EPHA5: variants seen among roughly 807,000 people sequenced by gnomAD.
EPHA5 encodes ephrin type-A receptor 5.
EPHA5 carries 60 observed loss-of-function variants against 105.0 expected under a neutral mutation model. The observed-to-expected ratio is 0.57, with a 90% CI of 0.46 to 0.71. The LOEUF (loss-of-function observed/expected upper bound fraction) is 0.71. Among genes scored for constraint, EPHA5 ranks in the 30% least tolerant of loss-of-function variants. The pLI is 0.00. For synonymous variants in EPHA5, 513 were observed against 449.1 expected, an observed-to-expected ratio of 1.14 and a Z score of -1.80; for missense variants, 1,218 against 1,274.7, an observed-to-expected ratio of 0.96 and a Z score of 0.68.
chr4:65,418,126 A>G (rs1018677632), intron 6 of EPHA5, among the ~76,000 whole-genome samples: 1 of 152,110 alleles, frequency 6.6e-6, no homozygotes, highest in African/African-American at 2.4e-5. Flanking sequence ...TTACAATTCT[A>G]TTTTGCATTT....
chr4:65,335,391 T>A (rs1477172923), intron 15 of EPHA5, among the ~76,000 whole-genome samples: 2 of 152,054 alleles, frequency 1.3e-5, no homozygotes, highest in Non-Finnish European at 2.9e-5. Context: ...AGATTACTCA[T>A]TTATCAGTTT....
At chr4:65,474,011 G>T (rs1361538784) in intron 5 of EPHA5, among the ~76,000 whole-genome samples, 2 of 150,956 alleles carry the variant, frequency 1.3e-5, no homozygotes, top group Non-Finnish European at 2.9e-5. Context: ...CACACACCGG[G>T]GCCTGTTGTG....
intron 1 of EPHA5, among the ~76,000 whole-genome samples, chr4:65,663,904 A>G (rs1749750145): frequency 6.6e-6 from 1 of 152,038 alleles, no homozygotes; most frequent in Non-Finnish European, 1.5e-5. Context: ...ATTTCACAGT[A>G]CAATTTATAT....
Position 65,620,415 on chromosome 4 carries a change from C to T in EPHA5, c.247-18111G>A, listed in dbSNP as rs1388920009. On this transcript the variant is annotated intron_variant, in intron 2 of 16. Transcript: ENST00000613740. ...CTATAAAAAATGTCTTAACACCAAT[C>T]CAATAAATGTGATGACATAGTACAC... Among the ~76,000 whole-genome samples the T allele has an allele frequency of 3.3e-5, 5 of 151,894 alleles. No homozygotes were observed. In the East Asian group the frequency reaches 9.6e-4, roughly 29 times the overall value.
At chr4:65,402,617 C>T (rs939363722) in intron 8 of EPHA5, among the ~76,000 whole-genome samples, 1 of 152,056 alleles carries the variant, frequency 6.6e-6, no homozygotes, top group African/African-American at 2.4e-5. Flanking sequence ...CTCCTAAGTG[C>T]ACACACAACA....
At chr4:65,515,614 T>G (rs1734035564) in intron 3 of EPHA5, among the ~76,000 whole-genome samples, 1 of 152,210 alleles carries the variant, frequency 6.6e-6, no homozygotes. Context: ...TTAAAAATTT[T>G]ATCTTCTAAT....
At chr4:65,607,128 G>GT (rs1744304675) in intron 2 of EPHA5, among the ~76,000 whole-genome samples, 1 of 151,868 alleles carries the variant, frequency 6.6e-6, no homozygotes, top group Non-Finnish European at 1.5e-5. Context: ...CACACACTAA[G>GT]TTTTGCTAAC....
intron 2 of EPHA5, among the ~76,000 whole-genome samples, chr4:65,603,809 T>C (rs562841174): frequency 1.3e-5 from 2 of 152,236 alleles, no homozygotes; most frequent in East Asian, 3.9e-4. Flanking sequence ...AATGTATATA[T>C]ACTCTACTTA....
chr4:65,418,781 A>G (rs1479649140), intron 6 of EPHA5, among the ~76,000 whole-genome samples: 1 of 150,454 alleles, frequency 6.6e-6, no homozygotes, highest in Non-Finnish European at 1.5e-5. Flanking sequence ...GCAATTGTTG[A>G]ATCAATGAAT....
chr4:65,670,354 C>T lies in EPHA5; in HGVS notation c.-612G>A, dbSNP rs374381125. 1.8e-3 allele frequency: 421 copies of T among 233,688 alleles called. No homozygotes were observed. Among genetic ancestry groups the T allele is most frequent in the African/African-American group, 8.7e-3 (395 of 45,486 alleles). 14.5% of individuals were successfully genotyped at this position (233,688 alleles called of 1,614,324 possible). A position where few individuals can be genotyped will look rare whatever the true frequency, so the allele number is the denominator to read the frequency against. On this transcript the variant is annotated 5_prime_UTR_variant, in exon 1 of 17. Transcript: ENST00000613740. ...TGAAGAGGGGAGGGACTGACGGCTGCCGGCCGGTAGGAGCGCGGAGCTGCG... is the reference window on the plus strand; with the variant it reads ...TGAAGAGGGGAGGGACTGACGGCTGTCGGCCGGTAGGAGCGCGGAGCTGCG...
chr4:65,668,059 G>C (rs1268755141), intron 1 of EPHA5, among the ~76,000 whole-genome samples: 1 of 152,136 alleles, frequency 6.6e-6, no homozygotes, highest in Admixed American at 6.5e-5. Context: ...GCTTAAGCAT[G>C]AGAGATAGCT....
intron 3 of EPHA5, among the ~76,000 whole-genome samples, chr4:65,584,744 CT>C (rs1022086822): frequency 2.0e-5 from 3 of 151,804 alleles, no homozygotes; most frequent in African/African-American, 7.3e-5. Context: ...GAATCAGTCT[CT>C]TTTTACAAGA....
At position 65,574,743 on chromosome 4, in the gene EPHA5, CATATATATATATAT is replaced by C. The variant is rs375040204; in HGVS notation, c.910+26884_910+26897del. Among the ~76,000 whole-genome samples, 183 of 80,284 alleles carry C rather than the reference CATATATATATATAT, an allele frequency of 2.3e-3. 2 individuals carry two copies. The highest frequency in any genetic ancestry group is 0.014 in the Admixed American group (116 of 8,426). The allele number at this position is 80,284 out of a possible 152,430, so 52.7% of individuals were successfully genotyped here. On this transcript the variant is annotated intron_variant, in intron 3 of 16. Coordinates refer to ENST00000613740, the MANE Select transcript of EPHA5 (RefSeq NM_001281766.3). Reference sequence around the variant, plus strand: ...ATACATATATATACATATATATATACATATATATATATATACACAGTAATTTTCTCAGAGTATTG... The same window carrying C: ...ATACATATATATACATATATATATACACACAGTAATTTTCTCAGAGTATTG...
intron 3 of EPHA5, among the ~76,000 whole-genome samples, chr4:65,571,870 A>G (rs901307472): frequency 6.6e-6 from 1 of 152,052 alleles, no homozygotes; most frequent in Non-Finnish European, 1.5e-5. Flanking sequence ...TATTATGTCT[A>G]TATTGTTAAA....
At chr4:65,584,351 A>G (rs1741918416) in intron 3 of EPHA5, among the ~76,000 whole-genome samples, 1 of 151,940 alleles carries the variant, frequency 6.6e-6, no homozygotes, top group African/African-American at 2.4e-5. Context: ...TGGAATTCAA[A>G]TAGTAATTTA....
chr4:65,501,687 T>A (rs1362864576), intron 3 of EPHA5, among the ~76,000 whole-genome samples: 1 of 151,696 alleles, frequency 6.6e-6, no homozygotes, highest in African/African-American at 2.4e-5. Context: ...CGCAAACCAA[T>A]GTACAGATTC....
At chr4:65,520,877 A>T (rs1734630617) in intron 3 of EPHA5, among the ~76,000 whole-genome samples, 1 of 152,156 alleles carries the variant, frequency 6.6e-6, no homozygotes, top group African/African-American at 2.4e-5. Context: ...AGGAAATAAC[A>T]GGTGCTGGAG....
At chr4:65,357,287 C>A (rs1282059004) in intron 11 of EPHA5, among the ~76,000 whole-genome samples, 3 of 151,334 alleles carry the variant, frequency 2.0e-5, no homozygotes. Context: ...TTGTCTGGAG[C>A]AAGTTATATA....
chr4:65,614,741 C>T (rs972202203), intron 2 of EPHA5, among the ~76,000 whole-genome samples: 33 of 151,912 alleles, frequency 2.2e-4, no homozygotes, highest in African/African-American at 7.0e-4. Context: ...CTCTTCTATG[C>T]TCCTGCTGGG....
Sources: allele counts gnomAD v4.1 joint callset (sites outside exome capture counted in the v4.1 genomes callset), GRCh38; gene constraint gnomAD v4.1.1; transcripts MANE v1.5; gene names NCBI Gene and HGNC (gene_info 2026-07-23, HGNC 2026-07-21).